TEX11: variants seen among roughly 807,000 people sequenced by gnomAD.
TEX11 encodes the protein testis-expressed protein 11.
A neutral mutation model predicts 84.4 loss-of-function variants in TEX11; 7 were observed. That is an observed-to-expected ratio of 0.08 (90% CI 0.05 to 0.16). The LOEUF (loss-of-function observed/expected upper bound fraction) is 0.16. Ranked by LOEUF, TEX11 falls within the 10% of genes least tolerant of loss-of-function variation. The pLI, the probability that TEX11 is intolerant of heterozygous loss-of-function variation, is 1.00. For synonymous variants in TEX11, 264 were observed against 222.8 expected (o/e 1.18, Z -1.64); for missense variants, 551 against 660.5 (o/e 0.83, Z 1.82).
Position 70,880,495 on chromosome X carries a change from G to A in TEX11, c.38-386C>T, listed in dbSNP as rs757698884. 6.4e-5 allele frequency among the ~76,000 whole-genome samples: 7 copies of A among 110,155 alleles called. No homozygotes were observed. The East Asian group carries it at 1.7e-3, about 28-fold the overall frequency. On this transcript the variant is annotated intron_variant, in intron 2 of 29. Transcript: ENST00000374333. ...GGATCACTTGAGTCCAGGAGTTCAA[G>A]GCTACAGTGAGCTACGATCCTGCCA... is the stretch of plus-strand genomic sequence containing the variant.
intron 25 of TEX11, among the ~76,000 whole-genome samples, chrX:70,563,645 A>G (rs971313708): frequency 1.9e-5 from 2 of 107,994 alleles, no homozygotes; most frequent in South Asian, 7.5e-4. Flanking sequence ...TAAATACAAA[A>G]TAAGGAGTAG....
intron 17 of TEX11, among the ~76,000 whole-genome samples, chrX:70,630,132 G>A (rs1050746502): frequency 1.8e-5 from 2 of 110,510 alleles, no homozygotes; most frequent in South Asian, 7.8e-4. Flanking sequence ...CTAACACGGT[G>A]AAACCCCGTC....
chrX:70,808,701 C>A (rs2091235373), intron 8 of TEX11, among the ~76,000 whole-genome samples: 1 of 108,367 alleles, frequency 9.2e-6, no homozygotes, highest in Admixed American at 1.0e-4. Flanking sequence ...CTATCATATA[C>A]CCACAAAAGT....
chrX:70,763,626 T>C (rs1455717831), intron 9 of TEX11, among the ~76,000 whole-genome samples: 1 of 110,345 alleles, frequency 9.1e-6, no homozygotes, highest in Non-Finnish European at 1.9e-5. Flanking sequence ...AAAATAGTTA[T>C]AGTGGTGGGT....
intron 8 of TEX11, among the ~76,000 whole-genome samples, chrX:70,820,625 G>A (rs1002746573): frequency 1.8e-5 from 2 of 111,502 alleles, no homozygotes; most frequent in South Asian, 3.9e-4. Flanking sequence ...AGGCAAAGGG[G>A]AGTAAACATG....
chrX:70,806,047 A>C (rs2091217145), intron 9 of TEX11, among the ~76,000 whole-genome samples: 1 of 111,673 alleles, frequency 9.0e-6, no homozygotes, highest in Non-Finnish European at 1.9e-5. Flanking sequence ...TCCACCTTAT[A>C]CTCTGGTGTT....
At chrX:70,512,044 A>C in the TEX11 span, among the ~76,000 whole-genome samples, 1 of 106,347 alleles carries the variant, frequency 9.4e-6, no homozygotes, top group Non-Finnish European at 1.9e-5. Flanking sequence ...TGCCTTTTTA[A>C]CCTCTTCCCA....
chrX:70,776,947 C>T (rs1350427418), intron 9 of TEX11, among the ~76,000 whole-genome samples: 2 of 111,154 alleles, frequency 1.8e-5, no homozygotes, highest in Non-Finnish European at 3.8e-5. Flanking sequence ...CCAAATACCC[C>T]GACTTTATCA....
At chrX:70,676,268 TTTAA>T (rs1397517137) in intron 15 of TEX11, among the ~76,000 whole-genome samples, 1 of 112,615 alleles carries the variant, frequency 8.9e-6, no homozygotes, top group Non-Finnish European at 1.9e-5. Context: ...TAATAACATT[TTTAA>T]TTGTTTGAAG....
rs1245069911 is a variant in TEX11, at chrX:70,591,758, T to C, written c.2133A>G (p.Lys711=). ...QTCNDIHNFL[K]QTGTFSNDSC... ...TTCCAGTTCCTACTGTACCTGTTTG[T>C]TTCAGGAAATTATGGATGTCATTGC... The change falls in exon 25 of 30, where the codon AAA becomes AAG. Residue 711 remains lysine (K), a synonymous_variant. Coordinates refer to ENST00000374333, the MANE Select transcript of TEX11 (RefSeq NM_031276.3). 8.3e-7 allele frequency: 1 copy of C among 1,204,762 alleles called. No individual in the cohort carries two copies. The highest frequency in any genetic ancestry group is 1.1e-6 in the Non-Finnish European group (1 of 890,875).
intron 9 of TEX11, among the ~76,000 whole-genome samples, chrX:70,802,403 T>C (rs991778447): frequency 6.3e-5 from 7 of 111,750 alleles, no homozygotes; most frequent in African/African-American, 1.9e-4. Context: ...GGTAACTATG[T>C]GAGGTGATGG....
At chrX:70,520,164 C>T in the TEX11 span, among the ~76,000 whole-genome samples, 10 of 111,731 alleles carry the variant, frequency 9.0e-5, no homozygotes, top group East Asian at 2.8e-4. Flanking sequence ...CTGTTGCTGG[C>T]GAGGAGCTGT....
chrX:70,751,343 T>C (rs1434499743), intron 9 of TEX11, among the ~76,000 whole-genome samples: 1 of 106,858 alleles, frequency 9.4e-6, no homozygotes, highest in Non-Finnish European at 1.9e-5. Context: ...GGGACATGGA[T>C]GAAGCTGGAA....
At chrX:70,891,087 A>G (rs1475340487) in intron 2 of TEX11, among the ~76,000 whole-genome samples, 1 of 112,355 alleles carries the variant, frequency 8.9e-6, no homozygotes, top group Non-Finnish European at 1.9e-5. Flanking sequence ...CCAGGCAAAC[A>G]GGGTCTGGAG....
chrX:70,739,003 A>G (rs1318847428), intron 11 of TEX11, among the ~76,000 whole-genome samples: 1 of 111,024 alleles, frequency 9.0e-6, no homozygotes, highest in East Asian at 2.8e-4. Context: ...TAATGCAGGC[A>G]AGGGCTTAAA....
In TEX11 at chrX:70,601,963, G is replaced by A. The variant is rs990302588; in HGVS notation, c.2067+3438C>T. 7.2e-5 allele frequency among the ~76,000 whole-genome samples: 8 copies of A among 110,899 alleles called. No individual in the cohort carries two copies. The South Asian group carries it at 1.2e-3, about 16-fold the overall frequency. On this transcript the variant is annotated intron_variant, in intron 24 of 29. Coordinates refer to ENST00000374333, the MANE Select transcript of TEX11 (RefSeq NM_031276.3). ...ATCCACACAGACCCGGCAACCATCC[G>A]ATTTCTCAATTTTTTCCCCACCCTT...
intron 4 of TEX11, among the ~76,000 whole-genome samples, chrX:70,864,888 T>C (rs888802788): frequency 9.1e-6 from 1 of 110,474 alleles, no homozygotes; most frequent in Non-Finnish European, 1.9e-5. Flanking sequence ...CAAGAGCTCC[T>C]GAAGGAAGCA....
chrX:70,679,797 G>A (rs1158464842), intron 14 of TEX11, among the ~76,000 whole-genome samples: 1 of 98,081 alleles, frequency 1.0e-5, no homozygotes, highest in Non-Finnish European at 2.1e-5. Flanking sequence ...TCAGCCCCCC[G>A]CCCGGCCAGC....
chrX:70,605,884 T>C (rs947811248), intron 23 of TEX11, among the ~76,000 whole-genome samples: 1 of 111,643 alleles, frequency 9.0e-6, no homozygotes, highest in Non-Finnish European at 1.9e-5. Flanking sequence ...TTGTATTGAA[T>C]AGAGCCAAAA....
Sources: allele counts gnomAD v4.1 joint callset (sites outside exome capture counted in the v4.1 genomes callset), GRCh38; gene constraint gnomAD v4.1.1; transcripts MANE v1.5; gene names NCBI Gene and HGNC (gene_info 2026-07-23, HGNC 2026-07-21).